Variants in ZFP62 observed in about 807,000 individuals in gnomAD.
ZFP62 encodes the protein ZFP62 zinc finger protein.
Under a neutral mutation model 56.4 loss-of-function variants are expected in ZFP62, and 44 were observed. The ratio of observed to expected loss-of-function variants is 0.78; its 90% CI spans 0.61 to 1.00. The LOEUF (loss-of-function observed/expected upper bound fraction) is 1.00. ZFP62 is among the 50% of genes least tolerant of loss of function. The pLI is 0.00. For missense variants in ZFP62, 1,030 were observed against 1,085.7 expected, an observed-to-expected ratio of 0.95 and a Z score of 0.72; for synonymous variants, 421 against 388.9, an observed-to-expected ratio of 1.08 and a Z score of -0.97.
the ZFP62 span, chr5:180,831,301 C>A: frequency 6.6e-6 from 1 of 152,450 alleles, no homozygotes. Context: ...CCCGGCACGT[C>A]CCGCCCTCTC....
intron 1 of ZFP62, among the ~76,000 whole-genome samples, chr5:180,856,771 C>T (rs571099584): frequency 4.7e-5 from 7 of 150,258 alleles, no homozygotes; most frequent in South Asian, 2.1e-4. Flanking sequence ...TGGCTAACAC[C>T]GTGAAACCCC....
Position 180,850,287 on chromosome 5 carries a change from C to T in ZFP62, c.1208G>A (p.Ser403Asn), listed in dbSNP as rs1773622950. Residue 403 changes from serine to asparagine, a missense_variant, in exon 2 of 2, where the codon AGC (serine) becomes AAC (asparagine). Transcript: ENST00000502412. ...YKCDVCGKAF[S>N]YSSGLAVHKS... is the part of the protein sequence containing the mutation. ...ATGGACTGCGAGGCCTGAGCTATAGCTGAATGCTTTGCCACAGACATCACA... is the reference window on the plus strand; with the variant it reads ...ATGGACTGCGAGGCCTGAGCTATAGTTGAATGCTTTGCCACAGACATCACA... 2 of 1,560,090 alleles carry T rather than the reference C, an allele frequency of 1.3e-6. No individual in the cohort carries two copies. The highest frequency in any genetic ancestry group is 1.2e-5 in the South Asian group (1 of 84,592).
At chr5:180,851,638 T>C (rs1773718830) in intron 1 of ZFP62, 145 bp from the exon 2 acceptor site, 2 of 987,534 alleles carry the variant, frequency 2.0e-6, no homozygotes, top group Admixed American at 5.9e-5. Flanking sequence ...TGTACCGGTT[T>C]TTAAGTACTA....
intron 1 of ZFP62, among the ~76,000 whole-genome samples, chr5:180,858,379 C>T (rs112808732): frequency 0.032 from 4,799 of 150,718 alleles, 213 homozygotes; most frequent in African/African-American, 0.1. Flanking sequence ...CTGAGGCAGA[C>T]AGATCACTTG....
intron 1 of ZFP62, among the ~76,000 whole-genome samples, chr5:180,860,936 G>T (rs1307810063): frequency 6.6e-6 from 1 of 152,196 alleles, no homozygotes; most frequent in Non-Finnish European, 1.5e-5. Context: ...TCGGAACGTT[G>T]AGCAGACCTA....
Position 180,849,636 on chromosome 5 carries a change from T to C in ZFP62, c.1859A>G (p.Asp620Gly). ...GTAATTAAAAGATTTCTCACACACA[T>C]CACATTTGTAGGGCTTCTCCCCAAG... is the stretch of plus-strand genomic sequence containing the variant. Reference protein sequence around the residue: ...VHLGEKPYKCDVCEKSFNYTS... With the variant: ...VHLGEKPYKCGVCEKSFNYTS... Residue 620 changes from aspartate (D) to glycine (G), a missense_variant, in exon 2 of 2, where the codon GAT becomes GGT. Transcript: ENST00000502412. 1 of 1,551,748 alleles carries C rather than the reference T, an allele frequency of 6.4e-7. No homozygotes were observed. The highest frequency in any genetic ancestry group is 8.7e-7 in the Non-Finnish European group (1 of 1,146,982).
At chr5:180,860,144 T>A (rs913589159) in intron 1 of ZFP62, among the ~76,000 whole-genome samples, 3 of 152,164 alleles carry the variant, frequency 2.0e-5, no homozygotes, top group African/African-American at 7.2e-5. Context: ...AGGATTTCTA[T>A]CACCTGTGTG....
At chr5:180,832,581 G>C in the ZFP62 span, 10 of 152,316 alleles carry the variant, frequency 6.6e-5, no homozygotes, top group Admixed American at 6.5e-4. Flanking sequence ...TTTATCAAAA[G>C]CTACCTATTG....
chr5:180,852,706 G>A (rs373838186), intron 1 of ZFP62, among the ~76,000 whole-genome samples: 10 of 152,318 alleles, frequency 6.6e-5, no homozygotes, highest in African/African-American at 2.4e-4. Context: ...GAGTATAGAG[G>A]AAGCTTTCTA....
In ZFP62 at chr5:180,848,262, C is replaced by T; in HGVS notation, c.*530G>A. 1 of 985,454 alleles carries T rather than the reference C, an allele frequency of 1.0e-6. No individual in the cohort carries two copies. The highest frequency in any genetic ancestry group is 1.2e-6 in the Non-Finnish European group (1 of 829,998). The allele number at this position is 985,454 out of a possible 1,614,324, so 61.0% of individuals were successfully genotyped here. A position where few individuals can be genotyped will look rare whatever the true frequency, so the allele number is the denominator to read the frequency against. ...TCATCATCACTGCCCCCTCCCAAAC[C>T]AATTACATCAAGTTTATACTTAAAG... On this transcript the variant is annotated 3_prime_UTR_variant, in exon 2 of 2. Transcript: ENST00000502412.
chr5:180,851,358 TC>T lies in ZFP62; in HGVS notation c.136del (p.Asp46IlefsTer4), dbSNP rs1362293342. The stretch of plus-strand genomic sequence containing the variant: ...TTTCTGTTGATTCTCTACCTTGCTA[TC>T]CCAAACACATGTGTCACCAACCTTA... ...ESKVGDTCVW[D>X]SKVENQQKKP... On this transcript the variant is annotated frameshift_variant, in exon 2 of 2. Coordinates refer to ENST00000502412, the MANE Select transcript of ZFP62 (RefSeq NM_001172638.2). LOFTEE classifies it high-confidence loss of function. 6.4e-7 allele frequency: 1 copy of T among 1,551,678 alleles called. No homozygotes were observed. Among genetic ancestry groups the T allele is most frequent in the Non-Finnish European group, 8.7e-7 (1 of 1,147,004 alleles).
chr5:180,841,890 A>G, the ZFP62 span, among the ~76,000 whole-genome samples: 1 of 152,110 alleles, frequency 6.6e-6, no homozygotes, highest in African/African-American at 2.4e-5. Context: ...CCTCTCTACT[A>G]AAAATACAAA....
chr5:180,846,893 AGT>A (rs1315928297), downstream of ZFP62, among the ~76,000 whole-genome samples: 1 of 152,222 alleles, frequency 6.6e-6, no homozygotes, highest in Non-Finnish European at 1.5e-5. Flanking sequence ...CAGGCTTGCC[AGT>A]GTCATGTGCA....
At chr5:180,852,748 C>T (rs2619766) in intron 1 of ZFP62, among the ~76,000 whole-genome samples, 102,828 of 152,068 alleles carry the variant, frequency 0.68, 37,151 homozygotes, top group East Asian at 0.96. Flanking sequence ...AAGACTGATA[C>T]ATTTTCAAAA....
chr5:180,830,255 G>A, the ZFP62 span: 1 of 152,248 alleles, frequency 6.6e-6, no homozygotes, highest in Admixed American at 6.5e-5. Flanking sequence ...GTTTGGGGAG[G>A]TCTCATGGCT....
In ZFP62 at chr5:180,848,644, T is replaced by C. The variant is rs1188976902; in HGVS notation, c.*148A>G. On this transcript the variant is annotated 3_prime_UTR_variant, in exon 2 of 2. Transcript: ENST00000502412. ...CTGGAGCCTTTCTTGCTTGCTATGA[T>C]TGAAAATCACATAGAAAGGATTCCT... 14 of 1,376,954 alleles carry C rather than the reference T, an allele frequency of 1.0e-5. No homozygotes were observed. The highest frequency in any genetic ancestry group is 2.5e-5 in the East Asian group (1 of 39,400). 85.3% of individuals were successfully genotyped at this position (1,376,954 alleles called of 1,614,324 possible).
chr5:180,855,536 T>A (rs1301895752), intron 1 of ZFP62, among the ~76,000 whole-genome samples: 1 of 152,108 alleles, frequency 6.6e-6, no homozygotes, highest in East Asian at 1.9e-4. Context: ...CATATTCCCC[T>A]GGGAGCCCTC....
At chr5:180,842,142 A>G in the ZFP62 span, among the ~76,000 whole-genome samples, 4 of 152,216 alleles carry the variant, frequency 2.6e-5, no homozygotes, top group Non-Finnish European at 5.9e-5. Context: ...TTACATAGCT[A>G]AAGAGAAACT....
intron 1 of ZFP62, among the ~76,000 whole-genome samples, chr5:180,856,516 G>C (rs951514334): frequency 6.6e-6 from 1 of 152,134 alleles, no homozygotes; most frequent in East Asian, 1.9e-4. Context: ...TGTTGCCCAA[G>C]GAACTTAAGA....
Sources: gnomAD v4.1 joint callset for allele counts (sites outside exome capture counted in the v4.1 genomes callset) on GRCh38, gnomAD v4.1.1 for gene constraint, MANE v1.5 for transcripts, NCBI Gene and HGNC (gene_info 2026-07-23, HGNC 2026-07-21) for gene names.